NBEAL1: variants seen among roughly 807,000 people sequenced by gnomAD.
NBEAL1 encodes the protein neurobeachin-like protein 1.
A neutral mutation model predicts 351.3 loss-of-function variants in NBEAL1; 273 were observed. The ratio of observed to expected loss-of-function variants is 0.78; its 90% CI spans 0.70 to 0.86. The LOEUF (loss-of-function observed/expected upper bound fraction) is 0.86. Ranked by LOEUF, NBEAL1 falls within the 40% of genes least tolerant of loss-of-function variation. NBEAL1 has a pLI of 0.00. For synonymous variants in NBEAL1, 1,050 were observed against 1,086.4 expected, an observed-to-expected ratio of 0.97 and a Z score of 0.66; for missense variants, 2,961 against 3,201.3, an observed-to-expected ratio of 0.92 and a Z score of 1.81.
intron 34 of NBEAL1, among the ~76,000 whole-genome samples, chr2:203,151,247 A>C (rs898746697): frequency 6.6e-6 from 1 of 152,132 alleles, no homozygotes; most frequent in African/African-American, 2.4e-5. Flanking sequence ...CACGAGAATC[A>C]CTTGAATCCA....
chr2:203,216,006 G>T (rs1407061454), intron 55 of NBEAL1, among the ~76,000 whole-genome samples: 2 of 37,056 alleles, frequency 5.4e-5, no homozygotes, highest in Admixed American at 3.8e-4. Context: ...GTGAAACCCT[G>T]TCTAAAAAAA....
intron 47 of NBEAL1, among the ~76,000 whole-genome samples, chr2:203,195,425 G>T (rs2117266): frequency 0.59 from 89,833 of 151,906 alleles, 27,750 homozygotes; most frequent in Middle Eastern, 0.78. Flanking sequence ...TACAAACTTG[G>T]TTGTTTCCAA....
At chr2:203,059,907 T>G (rs993895525) in intron 6 of NBEAL1, among the ~76,000 whole-genome samples, 1 of 152,198 alleles carries the variant, frequency 6.6e-6, no homozygotes, top group Admixed American at 6.5e-5. Context: ...TTTATACTCA[T>G]TAGCACTTTG....
chr2:203,138,205 G>A lies in NBEAL1; in HGVS notation c.4609G>A (p.Glu1537Lys). ...MLEWAISENR[E>K]AKTNPVTAEN... ...AGAATGGGCAATCTCAGAAAACAGAGAAGCAAAAACTAATCCAGTAACTGC... is the reference window on the plus strand; with the variant it reads ...AGAATGGGCAATCTCAGAAAACAGAAAAGCAAAAACTAATCCAGTAACTGC... The change falls in exon 30 of 56, where the codon GAA becomes AAA. Residue 1537 changes from glutamate to lysine, a missense_variant. Transcript: ENST00000683969. 6.2e-7 allele frequency: 1 copy of A among 1,614,038 alleles called. No homozygotes were observed. The highest frequency in any genetic ancestry group is 1.1e-5 in the South Asian group (1 of 91,058).
intron 31 of NBEAL1, among the ~76,000 whole-genome samples, chr2:203,139,667 C>A (rs1404170621): frequency 7.1e-6 from 1 of 141,484 alleles, no homozygotes; most frequent in African/African-American, 2.6e-5. Context: ...CAGGTTCAAG[C>A]GATTGTTGTG....
chr2:203,197,613 A>G (rs1404634241), intron 48 of NBEAL1, among the ~76,000 whole-genome samples: 1 of 152,162 alleles, frequency 6.6e-6, no homozygotes, highest in Non-Finnish European at 1.5e-5. Context: ...ATCTGAAAAG[A>G]TATATAAAAA....
In NBEAL1 at chr2:203,151,204, G is replaced by A. The variant is rs376380442; in HGVS notation, c.5463-261G>A. ...AAATTAGCTGGGCGTAGGGGCACAT[G>A]CCTGTAATCCCTGCTATGTCAGGAG... On this transcript the variant is annotated intron_variant, in intron 34 of 55. Transcript: ENST00000683969. 2.6e-5 allele frequency among the ~76,000 whole-genome samples: 4 copies of A among 152,224 alleles called. No individual in the cohort carries two copies. In the East Asian group the frequency reaches 5.8e-4, roughly 22 times the overall value.
chr2:203,063,577 AGAG>A (rs542242587), intron 6 of NBEAL1, among the ~76,000 whole-genome samples: 161 of 152,124 alleles, frequency 1.1e-3, no homozygotes, highest in Admixed American at 3.0e-3. Flanking sequence ...GAAGAAAAGA[AGAG>A]GAGAAAAGAA....
intron 2 of NBEAL1, among the ~76,000 whole-genome samples, chr2:203,033,048 T>TG: frequency 6.6e-6 from 1 of 152,026 alleles, no homozygotes. Context: ...TCGCCCAGGC[T>TG]GGAGTGCAGT....
intron 45 of NBEAL1, among the ~76,000 whole-genome samples, 185 bp downstream of exon 45, chr2:203,188,774 T>C (rs926243499): frequency 6.6e-5 from 10 of 152,232 alleles, no homozygotes; most frequent in African/African-American, 2.2e-4. Context: ...TATGCCAATC[T>C]AATTATAAAT....
intron 2 of NBEAL1, among the ~76,000 whole-genome samples, chr2:203,033,292 G>A (rs896534583): frequency 2.6e-5 from 4 of 152,190 alleles, no homozygotes; most frequent in African/African-American, 9.7e-5. Flanking sequence ...GAGCCACCGC[G>A]CCCAGCCAGT....
chr2:203,181,604 T>A (rs926630384), intron 43 of NBEAL1: 1 of 152,218 alleles, frequency 6.6e-6, no homozygotes, highest in Non-Finnish European at 1.5e-5. Flanking sequence ...TTCCACAGTA[T>A]TAAAGGGTTA....
At chr2:203,185,292 A>G (rs1045682668) in intron 44 of NBEAL1, among the ~76,000 whole-genome samples, 1 of 152,188 alleles carries the variant, frequency 6.6e-6, no homozygotes, top group Non-Finnish European at 1.5e-5. Flanking sequence ...TACAGCTTTC[A>G]CAACCCTATT....
intron 14 of NBEAL1, 28 bp from the exon 15 acceptor site, chr2:203,110,122 A>C: frequency 1.3e-6 from 2 of 1,535,298 alleles, no homozygotes; most frequent in South Asian, 2.5e-5. Flanking sequence ...CCAACTTTAA[A>C]AGTTCTGATA....
chr2:203,172,842 T>G lies in NBEAL1; in HGVS notation c.6312T>G (p.Ala2104=). The G allele has an allele frequency of 1.2e-6, 2 of 1,606,452 alleles. No individual in the cohort carries two copies. The highest frequency in any genetic ancestry group is 1.7e-6 in the Non-Finnish European group (2 of 1,176,700). The part of the protein sequence containing the change: ...IGVVNEKNAK[A]MREKYENFED... ...TAGTTAATGAAAAAAACGCCAAAGCTATGAGAGAAAAGTAAGTGCTTCTTA... is the reference window on the plus strand; with the variant it reads ...TAGTTAATGAAAAAAACGCCAAAGCGATGAGAGAAAAGTAAGTGCTTCTTA... The change falls in exon 41 of 56, where the codon GCT becomes GCG. Residue 2104 remains alanine (A), a synonymous_variant. Coordinates refer to ENST00000683969, the MANE Select transcript of NBEAL1 (RefSeq NM_001378026.1).
intron 5 of NBEAL1, among the ~76,000 whole-genome samples, chr2:203,056,968 A>G (rs2061413512): frequency 6.6e-6 from 1 of 152,230 alleles, no homozygotes; most frequent in South Asian, 2.1e-4. Flanking sequence ...CATATTTCAG[A>G]AATCTTGTAC....
At chr2:203,096,585 A>G (rs1574963703) in intron 10 of NBEAL1, among the ~76,000 whole-genome samples, 1 of 152,276 alleles carries the variant, frequency 6.6e-6, no homozygotes, top group East Asian at 1.9e-4. Flanking sequence ...TATTTTACTC[A>G]GAAGAGGGTA....
chr2:203,205,441 C>T (rs1362155894), intron 51 of NBEAL1, among the ~76,000 whole-genome samples: 5 of 152,168 alleles, frequency 3.3e-5, no homozygotes, highest in African/African-American at 1.2e-4. Context: ...AACATTTATA[C>T]AATACCATTA....
At chr2:203,175,044 T>G in intron 41 of NBEAL1, 103 bp from the exon 42 acceptor site, 1 of 1,019,000 alleles carries the variant, frequency 9.8e-7, no homozygotes, top group Non-Finnish European at 1.4e-6. Flanking sequence ...TGAAGAAGGA[T>G]GGACTTTTTA....
Sources: gnomAD v4.1 joint callset for allele counts (sites outside exome capture counted in the v4.1 genomes callset) on GRCh38, gnomAD v4.1.1 for gene constraint, MANE v1.5 for transcripts, NCBI Gene and HGNC (gene_info 2026-07-23, HGNC 2026-07-21) for gene names.